EYS: variants seen among roughly 807,000 people sequenced by gnomAD.
The protein encoded by EYS is protein eyes shut homolog.
Under a neutral mutation model 282.1 loss-of-function variants are expected in EYS, and 250 were observed. That is an observed-to-expected ratio of 0.89 (90% CI 0.80 to 0.98). The LOEUF (loss-of-function observed/expected upper bound fraction) is 0.98, where lower values mean the gene tolerates loss of function less well. EYS is among the 50% of genes least tolerant of loss of function. The pLI is 0.00. For synonymous variants in EYS, 1,355 were observed against 1,282.9 expected, an observed-to-expected ratio of 1.06 and a Z score of -1.20; for missense variants, 4,016 against 3,709.0, an observed-to-expected ratio of 1.08 and a Z score of -2.15.
intron 12 of EYS, among the ~76,000 whole-genome samples, chr6:65,134,479 A>G (rs1775967356): frequency 6.6e-6 from 1 of 152,104 alleles, no homozygotes; most frequent in Non-Finnish European, 1.5e-5. Flanking sequence ...CATCATCCTT[A>G]GCAAACTAGC....
intron 15 of EYS, among the ~76,000 whole-genome samples, chr6:64,915,527 T>C (rs980740488): frequency 4.6e-5 from 7 of 152,078 alleles, no homozygotes; most frequent in African/African-American, 1.7e-4. Flanking sequence ...TTACATGACA[T>C]GATGAATAAA....
chr6:65,550,164 T>TCA (rs1768562719), intron 2 of EYS, among the ~76,000 whole-genome samples: 1 of 26,058 alleles, frequency 3.8e-5, no homozygotes, highest in African/African-American at 4.1e-4. Flanking sequence ...TTTTTTTTTT[T>TCA]TTTTTTTTTT....
At chr6:64,738,500 G>A (rs1194420867) in intron 22 of EYS, among the ~76,000 whole-genome samples, 1 of 152,098 alleles carries the variant, frequency 6.6e-6, no homozygotes, top group Non-Finnish European at 1.5e-5. Flanking sequence ...TCAGTCTCAG[G>A]TAGCTCTTTA....
intron 8 of EYS, among the ~76,000 whole-genome samples, chr6:65,381,832 T>C (rs1052740227): frequency 1.3e-5 from 2 of 152,042 alleles, no homozygotes; most frequent in African/African-American, 4.8e-5. Context: ...GAGGATTTAT[T>C]AATTTCTTAA....
At chr6:65,088,530 G>A (rs369275774) in intron 12 of EYS, among the ~76,000 whole-genome samples, 5 of 152,170 alleles carry the variant, frequency 3.3e-5, no homozygotes, top group Non-Finnish European at 5.9e-5. Flanking sequence ...AAACTTGAGA[G>A]AGATGATCTA....
At chr6:65,375,163 T>C (rs1234047535) in intron 8 of EYS, among the ~76,000 whole-genome samples, 1 of 152,154 alleles carries the variant, frequency 6.6e-6, no homozygotes, top group African/African-American at 2.4e-5. Flanking sequence ...GGTGCCCCTC[T>C]GGGACGAAGC....
intron 2 of EYS, among the ~76,000 whole-genome samples, chr6:65,597,122 T>C (rs1174639765): frequency 6.6e-6 from 1 of 152,124 alleles, no homozygotes; most frequent in African/African-American, 2.4e-5. Flanking sequence ...TAAGCAGTTA[T>C]AATATTTTTA....
chr6:64,033,638 T>C (rs952635048), intron 33 of EYS, among the ~76,000 whole-genome samples: 3 of 151,984 alleles, frequency 2.0e-5, no homozygotes, highest in African/African-American at 7.2e-5. Flanking sequence ...CTATTTAAAT[T>C]TACATTTAAA....
chr6:65,150,955 G>T (rs921346171), intron 12 of EYS, among the ~76,000 whole-genome samples: 9 of 151,832 alleles, frequency 5.9e-5, no homozygotes, highest in African/African-American at 2.2e-4. Context: ...TATGATCAGG[G>T]CTCTGAACTT....
chr6:64,930,814 C>A (rs1034693906), intron 15 of EYS, among the ~76,000 whole-genome samples: 4 of 152,168 alleles, frequency 2.6e-5, no homozygotes. Context: ...CAAATGCCAA[C>A]TGCACAGGCA....
chr6:65,199,965 G>C (rs1765860382), intron 12 of EYS, among the ~76,000 whole-genome samples: 1 of 151,754 alleles, frequency 6.6e-6, no homozygotes, highest in Non-Finnish European at 1.5e-5. Flanking sequence ...AGTATAAACA[G>C]ATTATATTGG....
intron 4 of EYS, among the ~76,000 whole-genome samples, chr6:65,490,919 T>C (rs1387148913): frequency 2.6e-5 from 4 of 152,056 alleles, no homozygotes; most frequent in African/African-American, 9.7e-5. Flanking sequence ...GACTATAATA[T>C]CCAAATATTT....
At chr6:65,096,703 G>T (rs952598159) in intron 12 of EYS, among the ~76,000 whole-genome samples, 9 of 150,936 alleles carry the variant, frequency 6.0e-5, no homozygotes, top group African/African-American at 2.2e-4. Flanking sequence ...ATGCATATTT[G>T]GTCAATTGTA....
At chr6:64,262,824 T>C (rs1215357343) in intron 30 of EYS, among the ~76,000 whole-genome samples, 3 of 152,066 alleles carry the variant, frequency 2.0e-5, no homozygotes, top group Admixed American at 6.6e-5. Context: ...GTCTCTCTTT[T>C]CATTAACTTT....
chr6:65,457,986 C>A (rs1235378298), intron 5 of EYS, among the ~76,000 whole-genome samples: 1 of 152,092 alleles, frequency 6.6e-6, no homozygotes, highest in East Asian at 1.9e-4. Flanking sequence ...CCAGGGAGAA[C>A]CAGGGAGCAA....
intron 31 of EYS, among the ~76,000 whole-genome samples, chr6:64,180,278 G>A (rs1418179443): frequency 6.6e-6 from 1 of 152,034 alleles, no homozygotes; most frequent in African/African-American, 2.4e-5. Flanking sequence ...CAGGCAACTT[G>A]TCAAGAATGC....
chr6:63,967,508 C>T (rs531236520), intron 35 of EYS, among the ~76,000 whole-genome samples: 8 of 152,128 alleles, frequency 5.3e-5, no homozygotes, highest in Non-Finnish European at 7.4e-5. Flanking sequence ...GCAATGCTAC[C>T]CAATGGTAAG....
intron 29 of EYS, among the ~76,000 whole-genome samples, chr6:64,377,471 A>C (rs1377207406): frequency 6.6e-6 from 1 of 152,128 alleles, no homozygotes; most frequent in African/African-American, 2.4e-5. Context: ...CCTTGTATTC[A>C]ATGACTGTGT....
chr6:64,646,596 G>A (rs187292404), intron 22 of EYS, among the ~76,000 whole-genome samples: 32 of 152,168 alleles, frequency 2.1e-4, no homozygotes, highest in Admixed American at 1.7e-3. Context: ...GAGGTCAGGA[G>A]ATCAAGACCA....
Sources: gnomAD v4.1 joint callset for allele counts (sites outside exome capture counted in the v4.1 genomes callset) on GRCh38, gnomAD v4.1.1 for gene constraint, MANE v1.5 for transcripts, NCBI Gene and HGNC (gene_info 2026-07-23, HGNC 2026-07-21) for gene names.